Variants in TMIGD3 observed in about 807,000 individuals in gnomAD.
The protein encoded by TMIGD3 is AD026 protein (AD026).
TMIGD3 carries 21 observed loss-of-function variants against 28.1 expected under a neutral mutation model. That is an observed-to-expected ratio of 0.75 (90% confidence interval 0.53 to 1.08). TMIGD3 has a LOEUF of 1.08. TMIGD3 is among the 50% of genes least tolerant of loss of function. The probability of loss-of-function intolerance (pLI) is 0.00; values close to 1 mark genes in which losing one functional copy is unlikely to be tolerated. For synonymous variants in TMIGD3, 151 were observed against 162.1 expected (o/e 0.93, Z 0.52); for missense variants, 416 against 435.6 (o/e 0.96, Z 0.40).
chr1:111,535,040 T>C (rs1407896163), intron 1 of TMIGD3, among the ~76,000 whole-genome samples: 1 of 152,198 alleles, frequency 6.6e-6, no homozygotes, highest in African/African-American at 2.4e-5. Context: ...AGGAGCCTAG[T>C]TCAACTACCT....
At chr1:111,514,215 T>C (rs1557830972) in intron 1 of TMIGD3, among the ~76,000 whole-genome samples, 1 of 152,080 alleles carries the variant, frequency 6.6e-6, no homozygotes, top group South Asian at 2.1e-4. Context: ...TCAGAGATGA[T>C]GACAAAGGCC....
intron 2 of TMIGD3, 184 bp downstream of exon 2, chr1:111,490,472 A>C (rs1654602408): frequency 1.7e-6 from 1 of 581,732 alleles, no homozygotes; most frequent in Non-Finnish European, 3.1e-6. Context: ...AAACTCTCTT[A>C]TCTGAGCTAA....
At chr1:111,520,426 A>G (rs10857893) in intron 1 of TMIGD3, among the ~76,000 whole-genome samples, 42,503 of 152,148 alleles carry the variant, frequency 0.28, 6,577 homozygotes, top group Non-Finnish European at 0.36. Context: ...GATGATGGCA[A>G]AAGGGTGAGA....
In TMIGD3 at chr1:111,485,809, T is replaced by A. The variant is rs1386093817; in HGVS notation, c.904A>T (p.Thr302Ser). The change falls in exon 5 of 6, where the codon ACG becomes TCG. Residue 302 changes from threonine (T) to serine (S), a missense_variant. Thr to Ser is a moderately conservative substitution (Grantham distance 58, BLOSUM62 1). Transcript: ENST00000369716. Reference sequence around the variant, plus strand: ...ATTACAGAGATGATTCCCAAACCCGTGATCAGTATGCAAATGATGAGAATG... The same window carrying A: ...ATTACAGAGATGATTCCCAAACCCGAGATCAGTATGCAAATGATGAGAATG... Reference protein sequence around the residue: ...TSILIICILITGLGIISVISH... With the variant: ...TSILIICILISGLGIISVISH... The A allele has an allele frequency of 1.3e-6, 2 of 1,599,264 alleles. No homozygotes were observed. Among genetic ancestry groups the A allele is most frequent in the African/African-American group, 2.7e-5 (2 of 74,136 alleles).
Position 111,499,978 on chromosome 1 carries a change from T to C in TMIGD3, c.350+3027A>G. 1.9e-6 allele frequency: 3 copies of C among 1,614,130 alleles called. No individual in the cohort carries two copies. The South Asian group carries it at 3.3e-5, about 18-fold the overall frequency. On this transcript the variant is annotated intron_variant, in intron 1 of 5. Transcript: ENST00000369716. Reference sequence around the variant, plus strand: ...CTCAGAATTCTTCTCAATGCTTGTGTCCAAAGAATCAGAGGGATGGCAGAC... The same window carrying C: ...CTCAGAATTCTTCTCAATGCTTGTGCCCAAAGAATCAGAGGGATGGCAGAC...
At chr1:111,519,228 C>T (rs901905653) in intron 1 of TMIGD3, among the ~76,000 whole-genome samples, 2 of 152,272 alleles carry the variant, frequency 1.3e-5, no homozygotes, top group Middle Eastern at 3.4e-3. Flanking sequence ...CGTGAGCCAC[C>T]GCAACCAGCC....
Position 111,489,032 on chromosome 1 carries a change from AACAC to A in TMIGD3, c.458-12_458-9del, listed in dbSNP as rs10602160. On this transcript the variant is annotated splice_polypyrimidine_tract_variant and intron_variant, in intron 2 of 5. Transcript: ENST00000369716. ...CATCCATGACCATGGCATCTGTGAA[AACAC>A]ACACACACACGCACACGTGCACACA... 1.9e-6 allele frequency: 3 copies of A among 1,596,122 alleles called. No homozygotes were observed. Among genetic ancestry groups the A allele is most frequent in the Non-Finnish European group, 2.6e-6 (3 of 1,167,912 alleles).
At chr1:111,489,596 T>C (rs1179652375) in intron 2 of TMIGD3, 4 of 1,128,288 alleles carry the variant, frequency 3.5e-6, no homozygotes, top group East Asian at 1.8e-4. Flanking sequence ...TTCCCTGGCC[T>C]AAGGGTGGGT....
chr1:111,545,191 G>A (rs1380273618), intron 1 of TMIGD3, among the ~76,000 whole-genome samples: 6 of 152,046 alleles, frequency 3.9e-5, no homozygotes, highest in Admixed American at 6.5e-5. Flanking sequence ...AACTTTTTGA[G>A]GAGCTACCAA....
intron 1 of TMIGD3, among the ~76,000 whole-genome samples, chr1:111,558,352 A>ATT (rs5777065): frequency 6.9e-6 from 1 of 145,072 alleles, no homozygotes; most frequent in Admixed American, 6.9e-5. Flanking sequence ...TAATTTTTCT[A>ATT]TTTTTTTTTT....
chr1:111,519,139 A>C (rs779043261), intron 1 of TMIGD3, among the ~76,000 whole-genome samples: 17 of 152,300 alleles, frequency 1.1e-4, no homozygotes, highest in Non-Finnish European at 2.2e-4. Context: ...AGGTTTCACC[A>C]TGTTGGCCAG....
intron 1 of TMIGD3, among the ~76,000 whole-genome samples, chr1:111,538,984 A>G (rs1656731835): frequency 2.6e-5 from 4 of 152,228 alleles, no homozygotes; most frequent in Admixed American, 2.0e-4. Flanking sequence ...GATCCCCAGG[A>G]CCTACACTAA....
chr1:111,506,982 CAT>C (rs1277820038), upstream of TMIGD3, among the ~76,000 whole-genome samples: 16 of 140,862 alleles, frequency 1.1e-4, no homozygotes, highest in African/African-American at 3.9e-4. Flanking sequence ...CACACATATA[CAT>C]ATATATACAT....
chr1:111,555,451 A>G (rs895183580), intron 1 of TMIGD3, among the ~76,000 whole-genome samples: 1 of 151,714 alleles, frequency 6.6e-6, no homozygotes, highest in African/African-American at 2.4e-5. Context: ...TTAATGTAAT[A>G]ATTAAATTTG....
At chr1:111,518,444 C>T (rs1407472107) in intron 1 of TMIGD3, among the ~76,000 whole-genome samples, 3 of 152,216 alleles carry the variant, frequency 2.0e-5, no homozygotes, top group Non-Finnish European at 2.9e-5. Context: ...CTTCTGCCCA[C>T]TAAATGCCAG....
At chr1:111,541,676 GAGAAAGAGAGAGAGAGAGAA>G (rs1384605492) in intron 1 of TMIGD3, among the ~76,000 whole-genome samples, 2 of 143,092 alleles carry the variant, frequency 1.4e-5, no homozygotes, top group African/African-American at 6.0e-5. Flanking sequence ...GAGAGAGAGA[GAGAAAGAGAGAGAGAGAGAA>G]AGAGAGAGAG....
upstream of TMIGD3, chr1:111,504,004 AC>A (rs1426296575): frequency 1.0e-6 from 1 of 985,324 alleles, no homozygotes. Flanking sequence ...AAGCAGAGGA[AC>A]AAAAAAGAGA....
chr1:111,548,635 A>G (rs1240413086), intron 1 of TMIGD3, among the ~76,000 whole-genome samples: 1 of 152,216 alleles, frequency 6.6e-6, no homozygotes, highest in East Asian at 1.9e-4. Context: ...ATCCTCTTCA[A>G]TTAGGTCACA....
intron 2 of TMIGD3, 40 bp downstream of exon 2, chr1:111,490,616 A>G (rs1654609403): frequency 6.6e-7 from 1 of 1,511,904 alleles, no homozygotes; most frequent in Non-Finnish European, 9.2e-7. Flanking sequence ...TGGAAAGGCC[A>G]CAGCTTAAAG....
Sources: allele counts gnomAD v4.1 joint callset (sites outside exome capture counted in the v4.1 genomes callset), GRCh38; gene constraint gnomAD v4.1.1; transcripts MANE v1.5; gene names NCBI Gene and HGNC (gene_info 2026-07-23, HGNC 2026-07-21).